The following IL16 variants were observed in gnomAD, a reference collection of about 807,000 sequenced individuals.
IL16 encodes pro-interleukin-16.
Under a neutral mutation model 110.1 loss-of-function variants are expected in IL16, and 67 were observed. That is an observed-to-expected ratio of 0.61 (90% CI 0.50 to 0.75). The LOEUF is 0.75. Among genes scored for constraint, IL16 ranks in the 30% least tolerant of loss-of-function variants. The pLI, the probability that IL16 is intolerant of heterozygous loss-of-function variation, is 0.00. For missense variants in IL16, 1,545 were observed against 1,655.0 expected, an observed-to-expected ratio of 0.93 and a Z score of 1.15; for synonymous variants, 689 against 662.9, an observed-to-expected ratio of 1.04 and a Z score of -0.61.
At chr15:81,261,918 T>A (rs1211433374) in intron 3 of IL16, among the ~76,000 whole-genome samples, 3 of 151,956 alleles carry the variant, frequency 2.0e-5, no homozygotes, top group African/African-American at 7.3e-5. Context: ...AAAATTTTTT[T>A]AAAAAAAGAA....
At chr15:81,216,465 C>T (rs1896435334) in intron 1 of IL16, among the ~76,000 whole-genome samples, 1 of 152,146 alleles carries the variant, frequency 6.6e-6, no homozygotes, top group African/African-American at 2.4e-5. Context: ...ATCACTTCTA[C>T]CCACCCCTGG....
chr15:81,207,265 A>G (rs28600009), intron 1 of IL16, among the ~76,000 whole-genome samples: 1 of 151,616 alleles, frequency 6.6e-6, no homozygotes, highest in Non-Finnish European at 1.5e-5. Context: ...AAAAAAACAA[A>G]AAAAAGAAAA....
intron 1 of IL16, among the ~76,000 whole-genome samples, chr15:81,190,711 A>G (rs1303932720): frequency 6.6e-6 from 1 of 152,190 alleles, no homozygotes; most frequent in East Asian, 1.9e-4. Flanking sequence ...AAGAAGCTGA[A>G]AAATCCAGTT....
Position 81,299,582 on chromosome 15 carries a change from C to T in IL16, c.2256C>T (p.Gly752=). ...TGAATGAAGAAGAAGGGACACAGGG[C>T]CACCCAGATGGGACCCCACCAAAGC... The part of the protein sequence containing the change: ...ASLNEEEGTQ[G]HPDGTPPKLD... The change falls in exon 14 of 19, where the codon GGC becomes GGT. Residue 752 remains glycine, a synonymous_variant. Transcript: ENST00000683961. 6.2e-7 allele frequency: 1 copy of T among 1,614,200 alleles called. No homozygotes were observed. The highest frequency in any genetic ancestry group is 8.5e-7 in the Non-Finnish European group (1 of 1,180,030).
At chr15:81,272,478 A>G (rs146075422) in intron 5 of IL16, among the ~76,000 whole-genome samples, 283 of 152,270 alleles carry the variant, frequency 1.9e-3, no homozygotes, top group African/African-American at 6.5e-3. Flanking sequence ...CACCTGTACA[A>G]TTCCAGGATA....
intron 1 of IL16, among the ~76,000 whole-genome samples, chr15:81,209,346 G>A (rs4465571): frequency 0.14 from 21,034 of 151,972 alleles, 1,918 homozygotes; most frequent in East Asian, 0.38. Context: ...TCTGGATGGT[G>A]GTAAGAGGTG....
chr15:81,205,967 A>G (rs542647838), intron 1 of IL16, among the ~76,000 whole-genome samples: 7 of 152,318 alleles, frequency 4.6e-5, no homozygotes, highest in Admixed American at 4.6e-4. Context: ...AGGCATGAAA[A>G]TCAGAAAACT....
intron 1 of IL16, among the ~76,000 whole-genome samples, chr15:81,220,761 G>T (rs1896585295): frequency 6.9e-6 from 1 of 145,104 alleles, no homozygotes; most frequent in Non-Finnish European, 1.5e-5. Flanking sequence ...ACAAAAACAG[G>T]CACATGACAG....
In IL16 at chr15:81,197,108, T is replaced by C. The variant is rs1333936060; in HGVS notation, c.-146T>C. On this transcript the variant is annotated 5_prime_UTR_variant, in exon 1 of 19. It removes an upstream start codon present in the reference 5' UTR. Transcript: ENST00000683961. ...CAGATGGAGAGAGGAGCAAGGGAGA[T>C]GGCAGCCCCGGGGGACTGTGCATAG... 7.8e-7 allele frequency: 1 copy of C among 1,288,838 alleles called. No individual in the cohort carries two copies. Among genetic ancestry groups the C allele is most frequent in the Non-Finnish European group, 1.0e-6 (1 of 988,546 alleles). 79.8% of individuals were successfully genotyped at this position (1,288,838 alleles called of 1,614,324 possible).
intron 2 of IL16, among the ~76,000 whole-genome samples, chr15:81,244,112 T>C (rs978792952): frequency 7.2e-5 from 11 of 152,188 alleles, no homozygotes; most frequent in African/African-American, 2.7e-4. Flanking sequence ...AGCAAACTTA[T>C]TTCCCTTTAC....
In IL16 at chr15:81,282,769, TTC is replaced by T; in HGVS notation, c.1199+15_1199+16del. On this transcript the variant is annotated intron_variant, in intron 9 of 18. Coordinates refer to ENST00000683961, the MANE Select transcript of IL16 (RefSeq NM_172217.5). ...ACGGACGTCTCCGGTATGTCCTCAC[TTC>T]TGTTTCTGAATATACCCCCGACTTA... The T allele has an allele frequency of 1.3e-6, 2 of 1,568,134 alleles. No individual in the cohort carries two copies. Among genetic ancestry groups the T allele is most frequent in the East Asian group, 2.2e-5 (1 of 44,650 alleles).
intron 2 of IL16, among the ~76,000 whole-genome samples, chr15:81,239,537 A>G (rs571947343): frequency 4.1e-4 from 63 of 152,354 alleles, no homozygotes; most frequent in Non-Finnish European, 6.2e-4. Context: ...GGAGAGCAGA[A>G]AAAAATGAAG....
chr15:81,282,787 C>T (rs1374932938), intron 9 of IL16, 31 bp downstream of exon 9: 1 of 1,413,800 alleles, frequency 7.1e-7, no homozygotes, highest in South Asian at 1.1e-5. Context: ...CTGAATATAC[C>T]CCCGACTTAC....
chr15:81,252,319 C>A (rs1897795029), intron 2 of IL16, among the ~76,000 whole-genome samples: 1 of 152,116 alleles, frequency 6.6e-6, no homozygotes, highest in Non-Finnish European at 1.5e-5. Flanking sequence ...TCGTGAAAGA[C>A]AGAGCCATTA....
chr15:81,237,873 CTCTT>C (rs1211595013), intron 2 of IL16, among the ~76,000 whole-genome samples: 1 of 151,386 alleles, frequency 6.6e-6, no homozygotes, highest in African/African-American at 2.4e-5. Context: ...CTCTACCAGT[CTCTT>C]TATTTTATTT....
rs757883619 is a variant in IL16, at chr15:81,292,633, C to T, written c.1498C>T (p.His500Tyr). 7.4e-6 allele frequency: 12 copies of T among 1,611,564 alleles called. No individual in the cohort carries two copies. The highest frequency in any genetic ancestry group is 8.5e-6 in the Non-Finnish European group (10 of 1,178,022). The change falls in exon 12 of 19, where the codon CAT becomes TAT. Residue 500 changes from histidine to tyrosine, a missense_variant. By Grantham distance (83) the His-to-Tyr change is moderately conservative (BLOSUM62 2). Transcript: ENST00000683961. ...ACGAGAGAAGAACTCAGCACCCCCG[C>T]ATCGCAGGGCTCAGAAGGTCATGAT... Reference protein sequence around the residue: ...KEREKNSAPPHRRAQKVMIRS... With the variant: ...KEREKNSAPPYRRAQKVMIRS...
Position 81,310,128 on chromosome 15 carries a change from G to A in IL16, c.*1330G>A, listed in dbSNP as rs1451313619. On this transcript the variant is annotated 3_prime_UTR_variant, in exon 19 of 19. Transcript: ENST00000683961. ...ATCCCTTGACCAGGCCTGGGCCAGA[G>A]TATTGGTCTCCTCTCAGCCCCTGAT... 6.6e-6 allele frequency: 1 copy of A among 152,272 alleles called. No homozygotes were observed. Among genetic ancestry groups the A allele is most frequent in the Non-Finnish European group, 1.5e-5 (1 of 68,064 alleles). 9.4% of individuals were successfully genotyped at this position (152,272 alleles called of 1,614,324 possible). A position where few individuals can be genotyped will look rare whatever the true frequency, so the allele number is the denominator to read the frequency against.
chr15:81,277,004 A>C (rs1278543599), intron 6 of IL16, among the ~76,000 whole-genome samples: 6 of 149,828 alleles, frequency 4.0e-5, no homozygotes, highest in South Asian at 2.1e-4. Flanking sequence ...AAGGAATATA[A>C]ACTGTAAGAC....
intron 1 of IL16, among the ~76,000 whole-genome samples, chr15:81,215,882 G>A (rs891330138): frequency 8.5e-5 from 13 of 152,174 alleles, no homozygotes; most frequent in African/African-American, 3.1e-4. Flanking sequence ...TGAATCCATG[G>A]TTGGATTCTG....
Sources: allele counts gnomAD v4.1 joint callset (sites outside exome capture counted in the v4.1 genomes callset), GRCh38; gene constraint gnomAD v4.1.1; transcripts MANE v1.5; gene names NCBI Gene and HGNC (gene_info 2026-07-23, HGNC 2026-07-21).